Variants in SMIM35 observed in about 807,000 individuals in gnomAD.
SMIM35 encodes the protein small integral membrane protein 35.
intron 1 of SMIM35, chr11:118,029,585 T>C (rs1199138598): frequency 1.5e-5 from 7 of 454,536 alleles, no homozygotes; most frequent in African/African-American, 1.2e-4. Context: ...ACTTACCCCC[T>C]GTCTGCTTCT....
chr11:118,013,340 C>A (rs571057649), intron 4 of SMIM35, among the ~76,000 whole-genome samples: 1 of 152,134 alleles, frequency 6.6e-6, no homozygotes, highest in Non-Finnish European at 1.5e-5. Context: ...CCAGAGTTGG[C>A]GGGCCATGAA....
intron 1 of SMIM35, among the ~76,000 whole-genome samples, chr11:118,069,093 C>T (rs1223506890): frequency 6.6e-6 from 1 of 152,228 alleles, no homozygotes; most frequent in Non-Finnish European, 1.5e-5. Flanking sequence ...TATTCTGCAT[C>T]AGCAGCATCT....
intron 1 of SMIM35, among the ~76,000 whole-genome samples, chr11:118,061,302 G>T (rs1414797353): frequency 2.6e-5 from 4 of 152,226 alleles, no homozygotes; most frequent in Non-Finnish European, 5.9e-5. Context: ...TTTCCCTGTA[G>T]GTGAAATGGA....
chr11:118,078,644 T>G (rs1944881116), intron 1 of SMIM35, among the ~76,000 whole-genome samples: 2 of 152,086 alleles, frequency 1.3e-5, no homozygotes, highest in African/African-American at 4.8e-5. Context: ...CTGTGGAGTC[T>G]ACCTAGCTGT....
At position 118,004,404 on chromosome 11, in the gene SMIM35, A is replaced by C. The variant is rs973557323; in HGVS notation, c.*2006T>G. ...AGATGGGGCAACAGGCTGGAGTGAAAGAAGGAGGTCTCAGAAGTGCTAGTC... is the reference window on the plus strand; with the variant it reads ...AGATGGGGCAACAGGCTGGAGTGAACGAAGGAGGTCTCAGAAGTGCTAGTC... On this transcript the variant is annotated 3_prime_UTR_variant, in exon 5 of 5. Transcript: ENST00000689828. The C allele has an allele frequency of 6.6e-6, 1 of 152,306 alleles. No homozygotes were observed. Among genetic ancestry groups the C allele is most frequent in the African/African-American group, 2.4e-5 (1 of 41,468 alleles). The allele number at this position is 152,306 out of a possible 1,614,324, so 9.4% of individuals were successfully genotyped here.
In SMIM35 at chr11:118,037,785, C is replaced by T. The variant is rs547230712; in HGVS notation, c.8-21976G>A. On this transcript the variant is annotated intron_variant, in intron 1 of 4. Transcript: ENST00000689828. The stretch of plus-strand genomic sequence containing the variant: ...CCGCCAATGCCAGTACCTAGTCCGC[C>T]TAGTACTCCTGCTCCAATAACAAAA... Among the ~76,000 whole-genome samples, 4 of 152,294 alleles carry T rather than the reference C, an allele frequency of 2.6e-5. No homozygotes were observed. In the South Asian group the frequency reaches 8.3e-4, roughly 32 times the overall value.
intron 1 of SMIM35, among the ~76,000 whole-genome samples, chr11:118,070,009 C>T (rs926457861): frequency 4.6e-5 from 7 of 152,020 alleles, no homozygotes; most frequent in Admixed American, 2.0e-4. Context: ...TGCAGTGAGT[C>T]GAGATCATGC....
chr11:118,018,282 C>T (rs1213078037), intron 1 of SMIM35, among the ~76,000 whole-genome samples: 1 of 152,082 alleles, frequency 6.6e-6, no homozygotes, highest in Admixed American at 6.5e-5. Context: ...GGACTTGGAG[C>T]AGATAAAGGG....
chr11:118,041,755 G>A (rs1003319041), intron 1 of SMIM35, among the ~76,000 whole-genome samples: 10 of 152,046 alleles, frequency 6.6e-5, no homozygotes, highest in Non-Finnish European at 1.2e-4. Flanking sequence ...TAAGACGCTA[G>A]AGAAAGAAAC....
intron 1 of SMIM35, among the ~76,000 whole-genome samples, chr11:118,068,408 C>T (rs1944518330): frequency 6.6e-6 from 1 of 152,172 alleles, no homozygotes; most frequent in Non-Finnish European, 1.5e-5. Context: ...TGTCGAGTCT[C>T]CCTCCCGGCC....
chr11:118,073,662 C>T (rs1262568129), intron 1 of SMIM35, among the ~76,000 whole-genome samples: 2 of 152,198 alleles, frequency 1.3e-5, no homozygotes, highest in African/African-American at 4.8e-5. Flanking sequence ...GGAAGGGCAA[C>T]AGGAGCAGCC....
intron 1 of SMIM35, among the ~76,000 whole-genome samples, chr11:118,051,625 G>T (rs1175600592): frequency 6.6e-6 from 1 of 152,146 alleles, no homozygotes; most frequent in Non-Finnish European, 1.5e-5. Flanking sequence ...CAAGAAGGGG[G>T]TAACGGTGAG....
chr11:118,051,922 G>A (rs1944222598), intron 1 of SMIM35, among the ~76,000 whole-genome samples: 1 of 152,096 alleles, frequency 6.6e-6, no homozygotes, highest in South Asian at 2.1e-4. Flanking sequence ...GGTGACGCAG[G>A]GAGAGTGCTA....
rs2058110860 is a variant in SMIM35, at chr11:118,004,109, C to G, written c.*2301G>C. ...CACGGTGGAGATAAAGAACTCTGGT[C>G]TCTCTTCCACTTTCTTACAAGGGCA... On this transcript the variant is annotated 3_prime_UTR_variant, in exon 5 of 5. Transcript: ENST00000689828. 1.3e-5 allele frequency: 2 copies of G among 152,234 alleles called. No individual in the cohort carries two copies. 9.4% of individuals were successfully genotyped at this position (152,234 alleles called of 1,614,324 possible). A position where few individuals can be genotyped will look rare whatever the true frequency, so the allele number is the denominator to read the frequency against.
intron 1 of SMIM35, among the ~76,000 whole-genome samples, chr11:118,036,414 A>AT (rs1193184292): frequency 6.6e-6 from 1 of 152,228 alleles, no homozygotes; most frequent in Non-Finnish European, 1.5e-5. Flanking sequence ...GAAAGTTTCC[A>AT]TTTTTTTAAG....
intron 1 of SMIM35, among the ~76,000 whole-genome samples, chr11:118,045,670 T>G (rs191762009): frequency 6.6e-6 from 1 of 152,340 alleles, no homozygotes; most frequent in African/African-American, 2.4e-5. Context: ...AAAAATCAAG[T>G]ATCTCCTGTT....
chr11:118,078,752 G>A (rs1944890081), intron 1 of SMIM35, among the ~76,000 whole-genome samples: 1 of 152,170 alleles, frequency 6.6e-6, no homozygotes, highest in South Asian at 2.1e-4. Flanking sequence ...ACTAACTGCA[G>A]AATCAGAAGG....
chr11:118,058,340 C>T (rs753846420), intron 1 of SMIM35, among the ~76,000 whole-genome samples: 8 of 152,118 alleles, frequency 5.3e-5, no homozygotes, highest in African/African-American at 7.2e-5. Context: ...TCCTCCTATC[C>T]CAGTCTCAGG....
chr11:118,063,567 C>A (rs1043090467), intron 1 of SMIM35, among the ~76,000 whole-genome samples: 5 of 152,298 alleles, frequency 3.3e-5, no homozygotes, highest in African/African-American at 1.2e-4. Flanking sequence ...CTGACTGAGG[C>A]CTGGAAGGGC....
Sources: allele counts gnomAD v4.1 joint callset (sites outside exome capture counted in the v4.1 genomes callset), GRCh38; gene constraint gnomAD v4.1.1; transcripts MANE v1.5; gene names NCBI Gene and HGNC (gene_info 2026-07-23, HGNC 2026-07-21).